The following LY86 variants were observed in gnomAD, a reference collection of about 807,000 sequenced individuals.
The protein encoded by LY86 is MD-1, RP105-associated.
Under a neutral mutation model 17.3 loss-of-function variants are expected in LY86, and 20 were observed. That is an observed-to-expected ratio of 1.15 (90% CI 0.81 to 1.68). The LOEUF (loss-of-function observed/expected upper bound fraction) is 1.68, where lower values mean the gene tolerates loss of function less well. Among genes scored for constraint, LY86 ranks in the 40% most tolerant of loss-of-function variants. The probability of loss-of-function intolerance (pLI) is 0.00; values close to 1 mark genes in which losing one functional copy is unlikely to be tolerated. For synonymous variants in LY86, 74 were observed against 70.6 expected (o/e 1.05, Z -0.24); for missense variants, 200 against 191.9 (o/e 1.04, Z -0.25).
chr6:6,625,009 C>A lies in LY86; in HGVS notation c.220C>A (p.Leu74Met), dbSNP rs1761760676. The change falls in exon 2 of 5, where the codon CTG (leucine) becomes ATG (methionine). Residue 74 changes from leucine (L) to methionine (M), a missense_variant. Physicochemically the swap from Leu to Met is conservative, Grantham distance 15. Coordinates refer to ENST00000230568, the MANE Select transcript of LY86 (RefSeq NM_004271.4). ...TATCAACATTAGATTTGGAATTATT[C>A]TGAGTAAGTAAAAAAAATGATTAGC... ...SNINIRFGII[L>M]REDIKELFLD... The A allele has an allele frequency of 1.4e-6, 2 of 1,423,754 alleles. No individual in the cohort carries two copies. The highest frequency in any genetic ancestry group is 1.2e-5 in the South Asian group (1 of 82,488). 88.2% of individuals were successfully genotyped at this position (1,423,754 alleles called of 1,614,324 possible).
At chr6:6,615,112 A>G (rs567199596) in intron 1 of LY86, among the ~76,000 whole-genome samples, 5 of 152,360 alleles carry the variant, frequency 3.3e-5, no homozygotes, top group Admixed American at 3.3e-4. Context: ...ATCATATATC[A>G]GGAAATGAGC....
chr6:6,617,410 C>T (rs1761579986), intron 1 of LY86, among the ~76,000 whole-genome samples: 1 of 152,172 alleles, frequency 6.6e-6, no homozygotes, highest in Non-Finnish European at 1.5e-5. Context: ...GGAAACATGC[C>T]TTGTCTACAG....
Position 6,598,082 on chromosome 6 carries a change from A to G in LY86, c.136+9212A>G, listed in dbSNP as rs931314035. 1.6e-4 allele frequency among the ~76,000 whole-genome samples: 24 copies of G among 152,182 alleles called. 2 individuals are homozygous for G. Among genetic ancestry groups the G allele is most frequent in the Admixed American group, 1.4e-3 (22 of 15,280 alleles). ...GCTCAATTTAGTCGTCTTATATTGTATTTTTTAAATATCCCTTTAAACAAT... is the reference window on the plus strand; with the variant it reads ...GCTCAATTTAGTCGTCTTATATTGTGTTTTTTAAATATCCCTTTAAACAAT... On this transcript the variant is annotated intron_variant, in intron 1 of 4. Transcript: ENST00000230568.
At chr6:6,598,598 T>C (rs1398898758) in intron 1 of LY86, among the ~76,000 whole-genome samples, 1 of 152,246 alleles carries the variant, frequency 6.6e-6, no homozygotes, top group Non-Finnish European at 1.5e-5. Flanking sequence ...AGACAATTTA[T>C]GCCTCTTCCT....
In LY86 at chr6:6,591,362, T is replaced by A. The variant is rs1175510419; in HGVS notation, c.136+2492T>A. ...GAGATGCAGTTCTCATCCAAGGGAG[T>A]GGGACGATCAGACAATTAAGCAACA... On this transcript the variant is annotated intron_variant, in intron 1 of 4. Coordinates refer to ENST00000230568, the MANE Select transcript of LY86 (RefSeq NM_004271.4). 18 of 153,614 alleles carry A rather than the reference T, an allele frequency of 1.2e-4. No homozygotes were observed. The Admixed American group carries it at 1.2e-3, about 10-fold the overall frequency. The allele number at this position is 153,614 out of a possible 1,614,324, so 9.5% of individuals were successfully genotyped here.
At chr6:6,615,918 G>A (rs1358000930) in intron 1 of LY86, among the ~76,000 whole-genome samples, 2 of 152,042 alleles carry the variant, frequency 1.3e-5, no homozygotes, top group Non-Finnish European at 2.9e-5. Flanking sequence ...TAAACCTAGG[G>A]TGTTCTTACA....
At position 6,649,658 on chromosome 6, in the gene LY86, C is replaced by T. The variant is rs753191557; in HGVS notation, c.386C>T (p.Pro129Leu). 6.4e-7 allele frequency: 1 copy of T among 1,572,272 alleles called. No homozygotes were observed. Among genetic ancestry groups the T allele is most frequent in the South Asian group, 1.1e-5 (1 of 88,978 alleles). Residue 129 changes from proline (P) to leucine (L), a missense_variant, in exon 4 of 5, where the codon CCT becomes CTT. Pro to Leu is a moderately conservative substitution (Grantham distance 98, BLOSUM62 -3). Transcript: ENST00000230568. ...QIYYAGPVNN[P>L]EFTIPQGEYQ... ...TACTATGCTGGGCCTGTCAATAATC[C>T]TGAATTTACTATTCCTCAGGTAAGA...
At chr6:6,599,643 A>G (rs147240203) in intron 1 of LY86, among the ~76,000 whole-genome samples, 2 of 152,348 alleles carry the variant, frequency 1.3e-5, no homozygotes, top group South Asian at 2.1e-4. Flanking sequence ...TGCAGGCACA[A>G]AGAGAGGGGT....
chr6:6,629,595 A>G (rs1761868728), intron 3 of LY86, among the ~76,000 whole-genome samples: 1 of 152,236 alleles, frequency 6.6e-6, no homozygotes. Flanking sequence ...GCTGTTTGGT[A>G]TCATTGCCAT....
intron 1 of LY86, among the ~76,000 whole-genome samples, chr6:6,612,178 T>C (rs1159861807): frequency 2.7e-5 from 4 of 145,636 alleles, no homozygotes; most frequent in African/African-American, 1.0e-4. Flanking sequence ...GTTCTTGGTC[T>C]CACTGACTTC....
rs995742529 is a variant in LY86 at position 6,654,758 on chromosome 6, G to C, written c.*131G>C. 2.9e-6 allele frequency: 2 copies of C among 696,106 alleles called. No homozygotes were observed. The highest frequency in any genetic ancestry group is 4.9e-6 in the Non-Finnish European group (2 of 408,696). 43.1% of individuals were successfully genotyped at this position (696,106 alleles called of 1,614,324 possible). A position where few individuals can be genotyped will look rare whatever the true frequency, so the allele number is the denominator to read the frequency against. On this transcript the variant is annotated 3_prime_UTR_variant, in exon 5 of 5. Coordinates refer to ENST00000230568, the MANE Select transcript of LY86 (RefSeq NM_004271.4). ...CTCTACAAAGAAGCGCCCCCAAAGA[G>C]TGCAGCTGCTAATTTTAGTCCCAGG...
rs192403992 is a variant in LY86 at position 6,636,757 on chromosome 6, T to C, written c.352+10336T>C. 3.0e-3 allele frequency among the ~76,000 whole-genome samples: 462 copies of C among 152,258 alleles called. 3 individuals carry two copies. The highest frequency in any genetic ancestry group is 0.011 in the African/African-American group (444 of 41,526). ...ATTCCTTTCTTCCTTTCATGTATTA[T>C]TCCTTGTCTCCAGACTTCAATGGTA... On this transcript the variant is annotated intron_variant, in intron 3 of 4. Transcript: ENST00000230568.
intron 1 of LY86, among the ~76,000 whole-genome samples, chr6:6,602,725 G>A (rs1760949820): frequency 6.6e-6 from 1 of 152,180 alleles, no homozygotes; most frequent in African/African-American, 2.4e-5. Context: ...TCTCAAGGGG[G>A]AAGAAACTGG....
At chr6:6,626,551 C>A in intron 3 of LY86, 130 bp downstream of exon 3, 2 of 956,180 alleles carry the variant, frequency 2.1e-6, no homozygotes, top group Non-Finnish European at 3.1e-6. Flanking sequence ...CTTATCCTCA[C>A]TTATCAGCAT....
chr6:6,613,828 G>A (rs949021664), intron 1 of LY86, among the ~76,000 whole-genome samples: 1 of 152,230 alleles, frequency 6.6e-6, no homozygotes, highest in Admixed American at 6.5e-5. Flanking sequence ...TTCCCTGCCT[G>A]ATGGTTTATC....
At chr6:6,602,888 G>A (rs537001258) in intron 1 of LY86, among the ~76,000 whole-genome samples, 2 of 152,276 alleles carry the variant, frequency 1.3e-5, no homozygotes, top group East Asian at 1.9e-4. Context: ...TTTACAGGAA[G>A]AAATCTTTGA....
intron 3 of LY86, among the ~76,000 whole-genome samples, chr6:6,637,678 G>A (rs1761979240): frequency 6.6e-6 from 1 of 152,062 alleles, no homozygotes; most frequent in Non-Finnish European, 1.5e-5. Context: ...TAAACATCCC[G>A]AGAGCCCTGA....
At chr6:6,601,165 CT>C (rs1760895262) in intron 1 of LY86, among the ~76,000 whole-genome samples, 1 of 148,130 alleles carries the variant, frequency 6.8e-6, no homozygotes, top group African/African-American at 2.7e-5. Flanking sequence ...ACAGGAGACT[CT>C]TACGTAAATA....
intron 1 of LY86, among the ~76,000 whole-genome samples, chr6:6,599,645 G>C (rs1271065097): frequency 1.3e-5 from 2 of 152,254 alleles, no homozygotes; most frequent in Non-Finnish European, 2.9e-5. Flanking sequence ...CAGGCACAAA[G>C]AGAGGGGTCA....
Sources: gnomAD v4.1 joint callset for allele counts (sites outside exome capture counted in the v4.1 genomes callset) on GRCh38, gnomAD v4.1.1 for gene constraint, MANE v1.5 for transcripts, NCBI Gene and HGNC (gene_info 2026-07-23, HGNC 2026-07-21) for gene names.